The following ARHGAP15 variants were observed in gnomAD, a reference collection of about 807,000 sequenced individuals.
The protein encoded by ARHGAP15 is rho GTPase-activating protein 15.
A neutral mutation model predicts 63.7 loss-of-function variants in ARHGAP15; 51 were observed. The observed-to-expected ratio is 0.80, with a 90% CI of 0.64 to 1.01. ARHGAP15 has a LOEUF of 1.01. Ranked by LOEUF, ARHGAP15 falls within the 50% of genes least tolerant of loss-of-function variation. ARHGAP15 has a pLI of 0.00. For missense variants in ARHGAP15, 560 were observed against 564.6 expected (o/e 0.99, Z 0.08); for synonymous variants, 191 against 193.8 (o/e 0.99, Z 0.12).
intron 1 of ARHGAP15, among the ~76,000 whole-genome samples, chr2:143,134,025 A>C (rs1182521442): frequency 6.6e-6 from 1 of 152,196 alleles, no homozygotes; most frequent in African/African-American, 2.4e-5. Flanking sequence ...TAATTTAACC[A>C]GCCTCCTGTA....
chr2:143,265,675 G>A (rs1680953550), intron 6 of ARHGAP15, among the ~76,000 whole-genome samples: 3 of 151,990 alleles, frequency 2.0e-5, no homozygotes, highest in Admixed American at 2.0e-4. Context: ...GATATTCCAG[G>A]CCAATGATAC....
At chr2:143,443,485 A>G (rs1373508738) in intron 8 of ARHGAP15, among the ~76,000 whole-genome samples, 2 of 152,044 alleles carry the variant, frequency 1.3e-5, no homozygotes, top group Non-Finnish European at 2.9e-5. Context: ...GTTTTATTCA[A>G]AACCCTCTTG....
At chr2:143,618,952 G>A (rs1698549865) in intron 11 of ARHGAP15, among the ~76,000 whole-genome samples, 1 of 151,750 alleles carries the variant, frequency 6.6e-6, no homozygotes, top group Non-Finnish European at 1.5e-5. Context: ...AGCCTCCCGA[G>A]TAGCTGGGAT....
At chr2:143,638,202 G>A (rs927650006) in intron 12 of ARHGAP15, among the ~76,000 whole-genome samples, 35 of 145,058 alleles carry the variant, frequency 2.4e-4, no homozygotes, top group East Asian at 1.2e-3. Context: ...ACATGCACAC[G>A]TATGTTTATT....
At chr2:143,257,016 A>G (rs2105000874) in intron 6 of ARHGAP15, among the ~76,000 whole-genome samples, 1 of 152,238 alleles carries the variant, frequency 6.6e-6, no homozygotes, top group South Asian at 2.1e-4. Context: ...TGCACGTTTA[A>G]TTTTCTAAGA....
At chr2:143,323,252 G>GA in intron 6 of ARHGAP15, among the ~76,000 whole-genome samples, 1 of 152,314 alleles carries the variant, frequency 6.6e-6, no homozygotes, top group Non-Finnish European at 1.5e-5. Context: ...GGCTTCTAGT[G>GA]AACCCATCAC....
At chr2:143,648,341 T>C (rs1680991490) in intron 12 of ARHGAP15, among the ~76,000 whole-genome samples, 1 of 152,072 alleles carries the variant, frequency 6.6e-6, no homozygotes, top group Non-Finnish European at 1.5e-5. Context: ...ATGCCCTAAT[T>C]GTTCAAGTAA....
rs1458598848 is a variant in ARHGAP15, at chr2:143,278,615, TC to T, written c.474+28017del. ...ATCTAGTCCAAATGCAGGGTTTTTT[TC>T]CATTCCCTAATGTAGAGTTCCATAG... On this transcript the variant is annotated intron_variant, in intron 6 of 13. Transcript: ENST00000295095. Among the ~76,000 whole-genome samples, 15 of 152,290 alleles carry T rather than the reference TC, an allele frequency of 9.8e-5. 1 individual carries two copies. In the South Asian group the frequency reaches 1.9e-3, roughly 19 times the overall value.
chr2:143,230,887 A>T (rs1352298100), intron 5 of ARHGAP15, among the ~76,000 whole-genome samples: 1 of 152,166 alleles, frequency 6.6e-6, no homozygotes, highest in Admixed American at 6.5e-5. Flanking sequence ...TCTGGAAAAA[A>T]GTCTGCCCTT....
In ARHGAP15 at chr2:143,155,599, A is replaced by G; in HGVS notation, c.109A>G (p.Arg37Gly). Residue 37 changes from arginine to glycine, a missense_variant, in exon 2 of 14, where the codon AGG becomes GGG. Physicochemically the swap from Arg to Gly is moderately radical, Grantham distance 125. Coordinates refer to ENST00000295095, the MANE Select transcript of ARHGAP15 (RefSeq NM_018460.4). ...CAAAAATGCCAACAGCCACCATGACAGGCTCAGCCAAAGTAAATCCATGAT... is the reference window on the plus strand; with the variant it reads ...CAAAAATGCCAACAGCCACCATGACGGGCTCAGCCAAAGTAAATCCATGAT... ...RIKNANSHHD[R>G]LSQSKSMILT... 1 of 1,608,050 alleles carries G rather than the reference A, an allele frequency of 6.2e-7. No individual in the cohort carries two copies. The highest frequency in any genetic ancestry group is 8.5e-7 in the Non-Finnish European group (1 of 1,177,494).
At chr2:143,164,534 A>G (rs1050176171) in intron 2 of ARHGAP15, among the ~76,000 whole-genome samples, 1 of 151,954 alleles carries the variant, frequency 6.6e-6, no homozygotes, top group Non-Finnish European at 1.5e-5. Flanking sequence ...TTGATTTGCA[A>G]TAGGACATAT....
intron 12 of ARHGAP15, among the ~76,000 whole-genome samples, chr2:143,639,608 G>T (rs552396373): frequency 6.6e-6 from 1 of 152,000 alleles, no homozygotes; most frequent in Non-Finnish European, 1.5e-5. Context: ...TAGAAAGAAG[G>T]CACTATGTCC....
At chr2:143,138,113 A>T (rs1003537041) in intron 1 of ARHGAP15, among the ~76,000 whole-genome samples, 1 of 152,094 alleles carries the variant, frequency 6.6e-6, no homozygotes, top group Non-Finnish European at 1.5e-5. Flanking sequence ...GAAATTCATC[A>T]ATATAAATTA....
Position 143,396,524 on chromosome 2 carries a change from A to G in ARHGAP15, c.475-39077A>G, listed in dbSNP as rs9287352. Among the ~76,000 whole-genome samples, 1,101 of 152,104 alleles carry G rather than the reference A, an allele frequency of 7.2e-3. 8 individuals are homozygous for G. The highest frequency in any genetic ancestry group is 0.025 in the African/African-American group (1,051 of 41,496). On this transcript the variant is annotated intron_variant, in intron 6 of 13. Coordinates refer to ENST00000295095, the MANE Select transcript of ARHGAP15 (RefSeq NM_018460.4). Reference sequence around the variant, plus strand: ...AATGATGCTATGACAGACCAAGTAAAGTGTTTGGTTCAATAATAAGGAGCT... The same window carrying G: ...AATGATGCTATGACAGACCAAGTAAGGTGTTTGGTTCAATAATAAGGAGCT...
chr2:143,134,937 A>C (rs878958793), intron 1 of ARHGAP15, among the ~76,000 whole-genome samples: 1 of 152,100 alleles, frequency 6.6e-6, no homozygotes, highest in Non-Finnish European at 1.5e-5. Context: ...GCCCAGCCTA[A>C]ATGCTGTATT....
chr2:143,531,679 G>C (rs1559031838), intron 10 of ARHGAP15, among the ~76,000 whole-genome samples: 1 of 152,146 alleles, frequency 6.6e-6, no homozygotes, highest in Non-Finnish European at 1.5e-5. Flanking sequence ...ATAACTCTTT[G>C]AAGGTGTGGA....
At chr2:143,560,246 T>C (rs1283445994) in intron 11 of ARHGAP15, among the ~76,000 whole-genome samples, 1 of 152,232 alleles carries the variant, frequency 6.6e-6, no homozygotes, top group Non-Finnish European at 1.5e-5. Context: ...CATTTCCTAA[T>C]TATAACTAGT....
At chr2:143,143,337 C>T (rs1404068360) in intron 1 of ARHGAP15, among the ~76,000 whole-genome samples, 2 of 151,838 alleles carry the variant, frequency 1.3e-5, no homozygotes, top group Non-Finnish European at 2.9e-5. Flanking sequence ...TTAAGGTGTA[C>T]ATATACAATA....
chr2:143,592,934 G>A (rs1697377583), intron 11 of ARHGAP15, among the ~76,000 whole-genome samples: 1 of 152,132 alleles, frequency 6.6e-6, no homozygotes, highest in Non-Finnish European at 1.5e-5. Context: ...ATTTATATGT[G>A]CACCATCCCA....
Sources: allele counts gnomAD v4.1 joint callset (sites outside exome capture counted in the v4.1 genomes callset), GRCh38; gene constraint gnomAD v4.1.1; transcripts MANE v1.5; gene names NCBI Gene and HGNC (gene_info 2026-07-23, HGNC 2026-07-21).